RSU1: variants seen among roughly 807,000 people sequenced by gnomAD.
The protein encoded by RSU1 is Ras suppressor protein 1.
In RSU1, 26 loss-of-function variants were observed where a neutral mutation model predicts 31.1. That is an observed-to-expected ratio of 0.84 (90% CI 0.61 to 1.16). The LOEUF is 1.16. Ranked by LOEUF, RSU1 falls within the 50% of genes most tolerant of loss-of-function variation. The probability of loss-of-function intolerance (pLI) is 0.00; values close to 1 mark genes in which losing one functional copy is unlikely to be tolerated. For synonymous variants in RSU1, 164 were observed against 136.3 expected (o/e 1.20, Z -1.41); for missense variants, 320 against 339.1 (o/e 0.94, Z 0.44).
At chr10:16,746,638 C>T (rs1263347828) in intron 7 of RSU1, among the ~76,000 whole-genome samples, 2 of 150,572 alleles carry the variant, frequency 1.3e-5, no homozygotes, top group Non-Finnish European at 2.9e-5. Flanking sequence ...TAACAAACCC[C>T]AGGTGACGTC....
At position 16,676,983 on chromosome 10, in the gene RSU1, C is replaced by T. The variant is rs185510012; in HGVS notation, c.731+18040G>A. On this transcript the variant is annotated intron_variant, in intron 8 of 8. Coordinates refer to ENST00000345264, the MANE Select transcript of RSU1 (RefSeq NM_012425.4). ...GGCAGTAGGAATACTGTTAGGGACC[C>T]TTGAATGTCGCATGTGCCTGCAACC... 2.6e-4 allele frequency among the ~76,000 whole-genome samples: 40 copies of T among 152,242 alleles called. 1 individual carries two copies. The highest frequency in any genetic ancestry group is 2.6e-3 in the Admixed American group (40 of 15,292).
chr10:16,594,001 G>A (rs149577919), intron 8 of RSU1, among the ~76,000 whole-genome samples: 3 of 152,338 alleles, frequency 2.0e-5, no homozygotes, highest in East Asian at 1.9e-4. Context: ...AATAAGTACC[G>A]CTGATTAAAT....
At chr10:16,687,142 C>A (rs1484353738) in intron 8 of RSU1, among the ~76,000 whole-genome samples, 1 of 152,172 alleles carries the variant, frequency 6.6e-6, no homozygotes, top group Non-Finnish European at 1.5e-5. Context: ...TTGCATATCA[C>A]AGTGAAAAAC....
chr10:16,604,199 T>G (rs1272603993), intron 8 of RSU1, among the ~76,000 whole-genome samples: 1 of 152,150 alleles, frequency 6.6e-6, no homozygotes, highest in African/African-American at 2.4e-5. Flanking sequence ...GGTTTTCCCC[T>G]GGGTGTTAAG....
intron 7 of RSU1, among the ~76,000 whole-genome samples, chr10:16,703,920 G>A (rs1178411871): frequency 6.6e-6 from 1 of 152,178 alleles, no homozygotes; most frequent in Non-Finnish European, 1.5e-5. Context: ...AAACTTGAGT[G>A]TGCATCAGAA....
chr10:16,730,207 C>T (rs2131599346), intron 7 of RSU1, among the ~76,000 whole-genome samples: 1 of 152,270 alleles, frequency 6.6e-6, no homozygotes, highest in South Asian at 2.1e-4. Context: ...ACCATGAGGA[C>T]ACACCAAGCC....
At chr10:16,711,439 G>GT (rs1352783349) in intron 7 of RSU1, among the ~76,000 whole-genome samples, 1 of 152,054 alleles carries the variant, frequency 6.6e-6, no homozygotes, top group Non-Finnish European at 1.5e-5. Context: ...TTTGGGTTCA[G>GT]TTTGTTCTTG....
chr10:16,760,644 T>C (rs1474808714), intron 4 of RSU1, among the ~76,000 whole-genome samples: 1 of 152,138 alleles, frequency 6.6e-6, no homozygotes, highest in Admixed American at 6.5e-5. Flanking sequence ...TCTCCATCTG[T>C]TGTATTTTTC....
At chr10:16,733,431 C>T (rs1836557846) in intron 7 of RSU1, among the ~76,000 whole-genome samples, 1 of 151,766 alleles carries the variant, frequency 6.6e-6, no homozygotes, top group Non-Finnish European at 1.5e-5. Context: ...TTGCCTGAAC[C>T]CAGGAGGCAG....
At chr10:16,698,899 C>A (rs1358685296) in intron 7 of RSU1, among the ~76,000 whole-genome samples, 2 of 152,068 alleles carry the variant, frequency 1.3e-5, no homozygotes, top group Non-Finnish European at 2.9e-5. Context: ...ACTGGGTTAC[C>A]CTCCCCACCC....
intron 7 of RSU1, among the ~76,000 whole-genome samples, chr10:16,717,081 T>A (rs956055582): frequency 6.6e-6 from 1 of 152,178 alleles, no homozygotes; most frequent in Non-Finnish European, 1.5e-5. Context: ...TATTTACATA[T>A]AAATACCCTT....
intron 8 of RSU1, among the ~76,000 whole-genome samples, chr10:16,627,908 G>T (rs550237521): frequency 6.6e-6 from 1 of 152,124 alleles, no homozygotes; most frequent in Admixed American, 6.5e-5. Flanking sequence ...GCCTCCTGTT[G>T]CTTGACTAAC....
intron 2 of RSU1, among the ~76,000 whole-genome samples, chr10:16,795,704 A>AT (rs1391409789): frequency 1.3e-5 from 2 of 152,340 alleles, no homozygotes; most frequent in African/African-American, 4.8e-5. Context: ...ACTGCATGGC[A>AT]TTTTATGATG....
At chr10:16,610,354 G>A (rs950019480) in intron 8 of RSU1, among the ~76,000 whole-genome samples, 4 of 152,122 alleles carry the variant, frequency 2.6e-5, no homozygotes, top group East Asian at 1.9e-4. Flanking sequence ...AAAGGCTGAC[G>A]GCCCCTTTCC....
chr10:16,766,742 G>A (rs1209560047), intron 3 of RSU1, among the ~76,000 whole-genome samples: 2 of 151,572 alleles, frequency 1.3e-5, no homozygotes, highest in Non-Finnish European at 2.9e-5. Flanking sequence ...GGCCTGGTGT[G>A]GTAGCTCACT....
chr10:16,725,526 G>A (rs1836375432), intron 7 of RSU1, among the ~76,000 whole-genome samples: 1 of 152,098 alleles, frequency 6.6e-6, no homozygotes, highest in Non-Finnish European at 1.5e-5. Flanking sequence ...AGGTGATTAA[G>A]TCATGATGTT....
At chr10:16,775,743 T>C (rs1006792316) in intron 3 of RSU1, among the ~76,000 whole-genome samples, 18 of 152,168 alleles carry the variant, frequency 1.2e-4, no homozygotes, top group Admixed American at 7.2e-4. Context: ...ACCGGTACCA[T>C]CAGATAGATA....
At chr10:16,731,941 G>A (rs1182180887) in intron 7 of RSU1, among the ~76,000 whole-genome samples, 4 of 152,098 alleles carry the variant, frequency 2.6e-5, no homozygotes, top group Non-Finnish European at 5.9e-5. Context: ...CCATGGTCAA[G>A]TATATACAAT....
At chr10:16,724,808 C>A in intron 7 of RSU1, among the ~76,000 whole-genome samples, 1 of 152,200 alleles carries the variant, frequency 6.6e-6, no homozygotes, top group Non-Finnish European at 1.5e-5. Context: ...AGAACTAGGG[C>A]TGACACACAG....
Sources: gnomAD v4.1 joint callset for allele counts (sites outside exome capture counted in the v4.1 genomes callset) on GRCh38, gnomAD v4.1.1 for gene constraint, MANE v1.5 for transcripts, NCBI Gene and HGNC (gene_info 2026-07-23, HGNC 2026-07-21) for gene names.